Variants in FILIP1L observed in about 807,000 individuals in gnomAD.
FILIP1L encodes filamin A interacting protein 1 like.
FILIP1L carries 55 observed loss-of-function variants against 96.6 expected under a neutral mutation model. That is an observed-to-expected ratio of 0.57 (90% CI 0.46 to 0.71). The LOEUF (loss-of-function observed/expected upper bound fraction) is 0.71, where lower values mean the gene tolerates loss of function less well. Among genes scored for constraint, FILIP1L ranks in the 30% least tolerant of loss-of-function variants. FILIP1L has a pLI of 0.00. For missense variants in FILIP1L, 1,304 were observed against 1,321.2 expected (o/e 0.99, Z 0.20); for synonymous variants, 467 against 473.9 (o/e 0.99, Z 0.19).
At chr3:99,986,115 A>G (rs1369206778) in intron 1 of FILIP1L, among the ~76,000 whole-genome samples, 1 of 152,208 alleles carries the variant, frequency 6.6e-6, no homozygotes. Flanking sequence ...CATTGTTATA[A>G]GAGGAAAAAA....
chr3:100,001,260 G>A (rs79848682), intron 1 of FILIP1L, among the ~76,000 whole-genome samples: 2 of 152,116 alleles, frequency 1.3e-5, no homozygotes, highest in East Asian at 3.8e-4. Context: ...ATCTGTTTTT[G>A]TAAATAAAGT....
At position 99,866,418 on chromosome 3, in the gene FILIP1L, CA is replaced by C. The variant is rs200585233; in HGVS notation, c.606-15349del. On this transcript the variant is annotated intron_variant, in intron 4 of 5. Transcript: ENST00000477258. ...TCAAACTTCAGAAATTTAGAAACCACAACAACAGATGCCTATGTTTTACTGT... is the reference window on the plus strand; with the variant it reads ...TCAAACTTCAGAAATTTAGAAACCACACAACAGATGCCTATGTTTTACTGT... Among the ~76,000 whole-genome samples the C allele has an allele frequency of 7.7e-3, 1,170 of 152,214 alleles. 20 individuals carry two copies. Among genetic ancestry groups the C allele is most frequent in the African/African-American group, 0.026 (1,079 of 41,536 alleles).
chr3:100,110,778 A>G (rs921906973), intron 1 of FILIP1L, among the ~76,000 whole-genome samples: 11 of 152,034 alleles, frequency 7.2e-5, no homozygotes, highest in Admixed American at 2.6e-4. Context: ...CCTCTTACCC[A>G]TGATAAACTG....
At chr3:99,902,193 C>T (rs1706458692) in intron 4 of FILIP1L, among the ~76,000 whole-genome samples, 1 of 152,026 alleles carries the variant, frequency 6.6e-6, no homozygotes, top group African/African-American at 2.4e-5. Context: ...TCTTAGTATT[C>T]GAGACATTCT....
intron 1 of FILIP1L, among the ~76,000 whole-genome samples, chr3:99,946,226 G>T (rs928833213): frequency 2.0e-5 from 3 of 152,108 alleles, no homozygotes; most frequent in African/African-American, 7.2e-5. Context: ...AATAGCCCTG[G>T]ATACTATTGT....
At chr3:99,873,932 A>C (rs897689692) in intron 4 of FILIP1L, among the ~76,000 whole-genome samples, 1 of 152,210 alleles carries the variant, frequency 6.6e-6, no homozygotes, top group Admixed American at 6.5e-5. Context: ...GAAGTGTAGA[A>C]ATTCACATTC....
intron 1 of FILIP1L, among the ~76,000 whole-genome samples, chr3:100,098,686 G>T (rs1298280506): frequency 1.3e-5 from 2 of 152,182 alleles, no homozygotes; most frequent in Admixed American, 6.5e-5. Context: ...GCCTCACTGT[G>T]TAGCATAGCA....
intron 1 of FILIP1L, among the ~76,000 whole-genome samples, chr3:99,961,098 G>A (rs189262746): frequency 5.3e-5 from 8 of 152,152 alleles, no homozygotes; most frequent in Admixed American, 2.0e-4. Flanking sequence ...CCCAAATGAC[G>A]TAACCTTGGA....
chr3:99,917,398 A>AC lies in FILIP1L; in HGVS notation c.605+6831dup, dbSNP rs1265506209. ...GTAACACCAGGCACATAGTTTGAGT[A>AC]CCTAGGAATGATTCTAGGGATATTC... On this transcript the variant is annotated intron_variant, in intron 4 of 5. Transcript: ENST00000477258. Among the ~76,000 whole-genome samples, 8 of 152,286 alleles carry AC rather than the reference A, an allele frequency of 5.3e-5. No individual in the cohort carries two copies. In the East Asian group the frequency reaches 1.5e-3, roughly 29 times the overall value.
chr3:99,891,870 C>T (rs930759705), intron 4 of FILIP1L, among the ~76,000 whole-genome samples: 2 of 152,136 alleles, frequency 1.3e-5, no homozygotes, highest in Admixed American at 6.5e-5. Context: ...CAAAACTACA[C>T]TTTTTAAGTT....
chr3:99,915,631 A>G (rs1020458407), intron 4 of FILIP1L, among the ~76,000 whole-genome samples: 5 of 146,334 alleles, frequency 3.4e-5, no homozygotes, highest in Admixed American at 6.8e-5. Flanking sequence ...TTAATGGTTT[A>G]AAAAAAAAAA....
intron 1 of FILIP1L, among the ~76,000 whole-genome samples, chr3:99,990,221 G>A (rs1349605663): frequency 6.6e-6 from 1 of 151,912 alleles, no homozygotes; most frequent in Non-Finnish European, 1.5e-5. Context: ...GGTAGAGAGG[G>A]TAGTCAAGAG....
In FILIP1L at chr3:100,035,597, T is replaced by C. The variant is rs2065094467; in HGVS notation, c.-11+78456A>G. Among the ~76,000 whole-genome samples, 6 of 152,268 alleles carry C rather than the reference T, an allele frequency of 3.9e-5. No individual in the cohort carries two copies. The South Asian group carries it at 1.0e-3, about 26-fold the overall frequency. On this transcript the variant is annotated intron_variant, in intron 1 of 5. Coordinates refer to ENST00000477258, the MANE Select transcript of FILIP1L (RefSeq NM_001387850.1). ...ACTTGAATTTTTTAATGCCCTCTGG[T>C]TCCCAGTAATCAAACACTTTGACCT...
At chr3:100,013,203 A>G (rs1710213578) in intron 1 of FILIP1L, among the ~76,000 whole-genome samples, 1 of 146,150 alleles carries the variant, frequency 6.8e-6, no homozygotes, top group Non-Finnish European at 1.5e-5. Flanking sequence ...GCCCATTTCA[A>G]GGCCAGTGAG....
intron 1 of FILIP1L, among the ~76,000 whole-genome samples, chr3:100,017,511 C>A (rs1341819878): frequency 6.6e-6 from 1 of 152,198 alleles, no homozygotes; most frequent in Non-Finnish European, 1.5e-5. Flanking sequence ...AGAGTAAGCA[C>A]CATAGTAACC....
At position 99,909,508 on chromosome 3, in the gene FILIP1L, A is replaced by G. The variant is rs34518627; in HGVS notation, c.605+14722T>C. Among the ~76,000 whole-genome samples, 1,243 of 152,256 alleles carry G rather than the reference A, an allele frequency of 8.2e-3. 20 individuals are homozygous for G. Among genetic ancestry groups the G allele is most frequent in the Admixed American group, 0.021 (321 of 15,290 alleles). ...CAAATTTGTGAATAATGAAAAGTCAAATTTTCCTGCAGACATAATCATTCA... is the reference window on the plus strand; with the variant it reads ...CAAATTTGTGAATAATGAAAAGTCAGATTTTCCTGCAGACATAATCATTCA... On this transcript the variant is annotated intron_variant, in intron 4 of 5. Coordinates refer to ENST00000477258, the MANE Select transcript of FILIP1L (RefSeq NM_001387850.1).
chr3:99,978,872 G>T (rs537840634), intron 1 of FILIP1L, among the ~76,000 whole-genome samples: 2 of 151,818 alleles, frequency 1.3e-5, no homozygotes, highest in Non-Finnish European at 2.9e-5. Flanking sequence ...GCAACAGAGC[G>T]AGACTCTTGT....
At chr3:99,916,835 CA>C (rs1014645593) in intron 4 of FILIP1L, among the ~76,000 whole-genome samples, 2 of 152,162 alleles carry the variant, frequency 1.3e-5, no homozygotes, top group African/African-American at 4.8e-5. Context: ...TCACTTGTGC[CA>C]GCCATCATCT....
At chr3:100,053,053 C>G (rs1265120031) in intron 1 of FILIP1L, among the ~76,000 whole-genome samples, 1 of 152,190 alleles carries the variant, frequency 6.6e-6, no homozygotes, top group Non-Finnish European at 1.5e-5. Context: ...TTTCTATTCT[C>G]TCCTGAAACA....
Sources: allele counts gnomAD v4.1 joint callset (sites outside exome capture counted in the v4.1 genomes callset), GRCh38; gene constraint gnomAD v4.1.1; transcripts MANE v1.5; gene names NCBI Gene and HGNC (gene_info 2026-07-23, HGNC 2026-07-21).